Variants in PTPRG observed in about 807,000 individuals in gnomAD.
The protein encoded by PTPRG is protein tyrosine phosphatase receptor type G, also known as receptor-type tyrosine-protein phosphatase gamma.
A neutral mutation model predicts 165.3 loss-of-function variants in PTPRG; 102 were observed. The observed-to-expected ratio is 0.62, with a 90% CI of 0.53 to 0.73. The LOEUF (loss-of-function observed/expected upper bound fraction) is 0.73, where lower values mean the gene tolerates loss of function less well. Ranked by LOEUF, PTPRG falls within the 30% of genes least tolerant of loss-of-function variation. The pLI is 0.00. For missense variants in PTPRG, 1,866 were observed against 1,861.4 expected (o/e 1.00, Z -0.05); for synonymous variants, 675 against 669.5 (o/e 1.01, Z -0.13).
At position 62,043,305 on chromosome 3, in the gene PTPRG, TA is replaced by T. The variant is rs1193195421; in HGVS notation, c.520-34857del. ...CATAATTTTGTTTATTTTCATATCCTATTTTCTCTTTCCAGCTGCACACATC... is the reference window on the plus strand; with the variant it reads ...CATAATTTTGTTTATTTTCATATCCTTTTTCTCTTTCCAGCTGCACACATC... On this transcript the variant is annotated intron_variant, in intron 4 of 29. Coordinates refer to ENST00000474889, the MANE Select transcript of PTPRG (RefSeq NM_002841.4). Among the ~76,000 whole-genome samples, 7 of 152,358 alleles carry T rather than the reference TA, an allele frequency of 4.6e-5. No individual in the cohort carries two copies. The South Asian group carries it at 1.4e-3, about 32-fold the overall frequency.
At chr3:62,268,936 A>G (rs995306375) in intron 19 of PTPRG, 99 bp from the exon 20 acceptor site, 18 of 1,299,930 alleles carry the variant, frequency 1.4e-5, no homozygotes, top group Admixed American at 2.5e-5. Context: ...ACTAAATGGC[A>G]ATCTCACCTG....
At chr3:62,274,618 TAGTTTTCATGGTA>T (rs1323204736) in intron 23 of PTPRG, among the ~76,000 whole-genome samples, 2 of 152,198 alleles carry the variant, frequency 1.3e-5, no homozygotes, top group Admixed American at 6.5e-5. Context: ...TCTACAGTTT[TAGTTTTCATGGTA>T]AAACTTTCCA....
intron 2 of PTPRG, among the ~76,000 whole-genome samples, chr3:61,828,310 A>T (rs919835247): frequency 6.6e-6 from 1 of 152,228 alleles, no homozygotes; most frequent in East Asian, 1.9e-4. Flanking sequence ...GAAGATGTTT[A>T]ATATCTGTCC....
rs549138396 is a variant in PTPRG, at chr3:62,251,191, G to A, written c.2468-3933G>A. ...GGATCACTCGAGCCCAAGAGTTTGA[G>A]ACTAGCCTGGACAACATAGTGAGAC... On this transcript the variant is annotated intron_variant, in intron 15 of 29. Coordinates refer to ENST00000474889, the MANE Select transcript of PTPRG (RefSeq NM_002841.4). Among the ~76,000 whole-genome samples the A allele has an allele frequency of 1.2e-4, 19 of 152,328 alleles. No individual in the cohort carries two copies. In the South Asian group the frequency reaches 3.9e-3, roughly 32 times the overall value.
chr3:61,769,742 A>C (rs1162198601), intron 2 of PTPRG: 2 of 152,198 alleles, frequency 1.3e-5, no homozygotes, highest in African/African-American at 4.8e-5. Context: ...GAGGAAAAAA[A>C]CTGGGCGTAG....
rs775496767 is a variant in PTPRG at position 62,203,438 on chromosome 3, C to A, written c.1643C>A (p.Ala548Glu). The A allele has an allele frequency of 2.5e-6, 4 of 1,598,760 alleles. No individual in the cohort carries two copies. The highest frequency in any genetic ancestry group is 1.7e-6 in the Non-Finnish European group (2 of 1,172,602). ...LPTAASASKQ[A>E]ARPVLATTEA... Reference sequence around the variant, plus strand: ...ACGGCCGCCTCAGCCAGCAAGCAGGCGGCTAGGCCAGTCCTAGCCACCACA... The same window carrying A: ...ACGGCCGCCTCAGCCAGCAAGCAGGAGGCTAGGCCAGTCCTAGCCACCACA... The change falls in exon 12 of 30, where the codon GCG (alanine) becomes GAG (glutamate). Residue 548 changes from alanine (A) to glutamate (E), a missense_variant. Coordinates refer to ENST00000474889, the MANE Select transcript of PTPRG (RefSeq NM_002841.4). The surrounding 1 kb of genome is among the most constrained non-coding windows in gnomAD (Gnocchi z 6.4).
At chr3:62,163,377 G>A (rs1056244054) in intron 7 of PTPRG, among the ~76,000 whole-genome samples, 6 of 152,164 alleles carry the variant, frequency 3.9e-5, no homozygotes, top group African/African-American at 1.4e-4. Flanking sequence ...GTGAGAGAAA[G>A]CACATACCAG....
intron 2 of PTPRG, among the ~76,000 whole-genome samples, chr3:61,911,455 A>T (rs2038802039): frequency 6.6e-6 from 1 of 152,120 alleles, no homozygotes; most frequent in Admixed American, 6.5e-5. Context: ...ACTACTTTTG[A>T]TTCTGCTTTT....
chr3:61,743,766 C>G (rs1449168159), intron 1 of PTPRG, among the ~76,000 whole-genome samples: 2 of 152,198 alleles, frequency 1.3e-5, no homozygotes, highest in Non-Finnish European at 2.9e-5. Flanking sequence ...TGTCCTCCCT[C>G]TTGTTATTCA....
At chr3:62,241,686 C>A (rs1469878444) in intron 14 of PTPRG, among the ~76,000 whole-genome samples, 4 of 151,984 alleles carry the variant, frequency 2.6e-5, no homozygotes, top group African/African-American at 4.8e-5. Context: ...TTCCAAGTCA[C>A]TTTAACAGTA....
intron 6 of PTPRG, among the ~76,000 whole-genome samples, chr3:62,143,598 G>A (rs1015010978): frequency 6.7e-6 from 1 of 148,786 alleles, no homozygotes; most frequent in Non-Finnish European, 1.5e-5. Flanking sequence ...CTTTCTTAGC[G>A]TAAAGACTAA....
chr3:61,785,174 G>A (rs1375059444), intron 2 of PTPRG, among the ~76,000 whole-genome samples: 1 of 152,202 alleles, frequency 6.6e-6, no homozygotes, highest in African/African-American at 2.4e-5. Context: ...TATAGGTTCT[G>A]CACATTAACC....
At chr3:61,812,287 C>G (rs933727856) in intron 2 of PTPRG, among the ~76,000 whole-genome samples, 1 of 142,334 alleles carries the variant, frequency 7.0e-6, no homozygotes, top group Non-Finnish European at 1.5e-5. Context: ...ACCATTCATT[C>G]ATTCATTCAT....
chr3:61,588,596 C>T (rs1480116480), intron 1 of PTPRG, among the ~76,000 whole-genome samples: 1 of 151,980 alleles, frequency 6.6e-6, no homozygotes, highest in African/African-American at 2.4e-5. Flanking sequence ...CAGGCCTGCA[C>T]CACCACTCCC....
intron 1 of PTPRG, among the ~76,000 whole-genome samples, chr3:61,689,054 TTC>T (rs1270063059): frequency 6.6e-6 from 1 of 152,248 alleles, no homozygotes; most frequent in Non-Finnish European, 1.5e-5. Context: ...AGCCCAGGCA[TTC>T]TGACTGCCAT....
chr3:62,187,152 G>C (rs192449342), intron 8 of PTPRG, among the ~76,000 whole-genome samples: 2 of 152,356 alleles, frequency 1.3e-5, no homozygotes, highest in East Asian at 1.9e-4. Context: ...TCCACCTAGT[G>C]GGGGAGATAG....
chr3:61,910,620 A>G (rs900989266), intron 2 of PTPRG, among the ~76,000 whole-genome samples: 1 of 152,294 alleles, frequency 6.6e-6, no homozygotes, highest in African/African-American at 2.4e-5. Context: ...TTGAGAGTGA[A>G]GCCAGCCTTG....
intron 4 of PTPRG, among the ~76,000 whole-genome samples, chr3:62,032,814 C>T (rs1699813016): frequency 6.6e-6 from 1 of 152,078 alleles, no homozygotes; most frequent in Non-Finnish European, 1.5e-5. Context: ...GACGCCTCTT[C>T]ATGTGTAAGA....
intron 1 of PTPRG, among the ~76,000 whole-genome samples, chr3:61,591,837 A>G (rs1700577421): frequency 6.6e-6 from 1 of 152,200 alleles, no homozygotes; most frequent in African/African-American, 2.4e-5. Flanking sequence ...TCCTGTTTCT[A>G]GGCATAACTA....
Sources: gnomAD v4.1 joint callset for allele counts (sites outside exome capture counted in the v4.1 genomes callset) on GRCh38, gnomAD v4.1.1 for gene constraint, Gnocchi (gnomAD v3.1) non-coding constraint, MANE v1.5 for transcripts, NCBI Gene and HGNC (gene_info 2026-07-23, HGNC 2026-07-21) for gene names.